Variants in SIL1 observed in about 807,000 individuals in gnomAD.
SIL1 encodes nucleotide exchange factor SIL1.
Under a neutral mutation model 49.1 loss-of-function variants are expected in SIL1, and 40 were observed. The ratio of observed to expected loss-of-function variants is 0.81; its 90% CI spans 0.63 to 1.06. SIL1 has a LOEUF of 1.06. Ranked by LOEUF, SIL1 falls within the 50% of genes least tolerant of loss-of-function variation. SIL1 has a pLI of 0.00. For synonymous variants in SIL1, 253 were observed against 250.8 expected (o/e 1.01, Z -0.08); for missense variants, 500 against 572.6 (o/e 0.87, Z 1.29).
At chr5:139,102,727 T>C in intron 3 of SIL1, among the ~76,000 whole-genome samples, 1 of 151,756 alleles carries the variant, frequency 6.6e-6, no homozygotes, top group Admixed American at 6.6e-5. Flanking sequence ...TTTTTTTGTT[T>C]TTTGAGACGG....
At chr5:139,153,597 C>T (rs573607212) in intron 1 of SIL1, among the ~76,000 whole-genome samples, 2 of 152,324 alleles carry the variant, frequency 1.3e-5, no homozygotes, top group South Asian at 4.1e-4. Context: ...CCACAGACCC[C>T]TCACATTTCT....
intron 1 of SIL1, among the ~76,000 whole-genome samples, chr5:139,173,270 G>C (rs747383612): frequency 1.1e-4 from 17 of 152,148 alleles, no homozygotes; most frequent in Non-Finnish European, 2.2e-4. Flanking sequence ...AAAAATGAGG[G>C]CCGGGTGTAG....
At chr5:138,991,391 G>GCT (rs1382729703) in intron 7 of SIL1, among the ~76,000 whole-genome samples, 1 of 152,238 alleles carries the variant, frequency 6.6e-6, no homozygotes, top group East Asian at 1.9e-4. Flanking sequence ...CAGTCTTAGA[G>GCT]ATTTCCCTGA....
At chr5:138,970,542 A>G (rs899302684) in intron 7 of SIL1, among the ~76,000 whole-genome samples, 1 of 152,194 alleles carries the variant, frequency 6.6e-6, no homozygotes. Context: ...AAGAGGCATG[A>G]CAAAGGTAAA....
At chr5:138,981,635 G>T (rs941881562) in intron 7 of SIL1, among the ~76,000 whole-genome samples, 14 of 152,170 alleles carry the variant, frequency 9.2e-5, no homozygotes, top group African/African-American at 3.4e-4. Flanking sequence ...GAAAATAAAG[G>T]CAAGGAGTGA....
intron 3 of SIL1, among the ~76,000 whole-genome samples, chr5:139,109,457 G>C (rs541357472): frequency 6.6e-6 from 1 of 152,010 alleles, no homozygotes; most frequent in African/African-American, 2.4e-5. Context: ...CAGTGTCAAA[G>C]GCCTTCAAAA....
intron 4 of SIL1, among the ~76,000 whole-genome samples, chr5:139,050,474 T>C (rs543995615): frequency 6.6e-6 from 1 of 152,350 alleles, no homozygotes; most frequent in Non-Finnish European, 1.5e-5. Flanking sequence ...TCTACTTTTA[T>C]ACTATAAGAA....
intron 5 of SIL1, among the ~76,000 whole-genome samples, chr5:139,028,476 C>T (rs1250101623): frequency 1.3e-5 from 2 of 151,826 alleles, no homozygotes; most frequent in Non-Finnish European, 2.9e-5. Flanking sequence ...CCAGCCTAAG[C>T]GACAGAGCGA....
chr5:138,987,962 T>C (rs1767680058), intron 7 of SIL1, among the ~76,000 whole-genome samples: 1 of 152,192 alleles, frequency 6.6e-6, no homozygotes, highest in Admixed American at 6.5e-5. Context: ...GCCTCCCAAG[T>C]AGCTGGGATT....
chr5:139,015,199 T>C (rs1461174362), intron 7 of SIL1, among the ~76,000 whole-genome samples: 2 of 152,186 alleles, frequency 1.3e-5, no homozygotes, highest in Non-Finnish European at 2.9e-5. Context: ...ATGCTATATA[T>C]TAGAGAGACA....
At chr5:139,182,723 C>T (rs1470970163) in intron 1 of SIL1, among the ~76,000 whole-genome samples, 1 of 152,146 alleles carries the variant, frequency 6.6e-6, no homozygotes, top group Non-Finnish European at 1.5e-5. Context: ...TGAGACAAAA[C>T]ATTTATTGAG....
rs1387130752 is a variant in SIL1 at position 138,987,083 on chromosome 5, TTATTTTA to T, written c.767+34081_767+34087del. On this transcript the variant is annotated intron_variant, in intron 7 of 9. Transcript: ENST00000394817. Reference sequence around the variant, plus strand: ...ACTATTTTGTTTTATTTATGATAGATTATTTTATTTTATTTTATTTTATTTTATTTTA... The same window carrying T: ...ACTATTTTGTTTTATTTATGATAGATTTTTATTTTATTTTATTTTATTTTA... Among the ~76,000 whole-genome samples the T allele has an allele frequency of 9.6e-4, 27 of 28,010 alleles. 1 individual carries two copies. Among genetic ancestry groups the T allele is most frequent in the Non-Finnish European group, 4.6e-4 (7 of 15,170 alleles). The allele number at this position is 28,010 out of a possible 152,430, so 18.4% of individuals were successfully genotyped here.
chr5:139,101,764 GGAT>G (rs1262631682), intron 3 of SIL1, among the ~76,000 whole-genome samples: 1 of 152,134 alleles, frequency 6.6e-6, no homozygotes, highest in African/African-American at 2.4e-5. Flanking sequence ...CTATCAAAGG[GGAT>G]GATGACAATG....
At chr5:139,135,793 G>T (rs1750963156) in intron 1 of SIL1, among the ~76,000 whole-genome samples, 1 of 151,956 alleles carries the variant, frequency 6.6e-6, no homozygotes, top group Admixed American at 6.6e-5. Context: ...AATCGGGCAT[G>T]GTGGCTCACA....
At chr5:139,048,984 A>C (rs1371077969) in intron 4 of SIL1, among the ~76,000 whole-genome samples, 1 of 152,246 alleles carries the variant, frequency 6.6e-6, no homozygotes, top group East Asian at 1.9e-4. Context: ...CTCAATATGA[A>C]GTAGAATTTT....
chr5:139,030,794 G>A (rs531609087), intron 5 of SIL1, among the ~76,000 whole-genome samples: 9 of 152,038 alleles, frequency 5.9e-5, no homozygotes, highest in Non-Finnish European at 1.0e-4. Flanking sequence ...CATTGTGCCC[G>A]GCATAATTCT....
intron 1 of SIL1, among the ~76,000 whole-genome samples, chr5:139,197,599 C>G (rs1433969874): frequency 6.6e-6 from 1 of 152,162 alleles, no homozygotes; most frequent in Non-Finnish European, 1.5e-5. Context: ...CCTGGCTTTT[C>G]CCACTCAGAG....
chr5:138,956,680 T>G (rs528155426), intron 7 of SIL1, among the ~76,000 whole-genome samples: 1 of 150,202 alleles, frequency 6.7e-6, no homozygotes, highest in East Asian at 2.0e-4. Flanking sequence ...GAGGTAGAGG[T>G]TTCAGTGAGC....
intron 7 of SIL1, among the ~76,000 whole-genome samples, chr5:138,957,847 A>G (rs1345070813): frequency 6.6e-6 from 1 of 152,090 alleles, no homozygotes; most frequent in Non-Finnish European, 1.5e-5. Flanking sequence ...TAATCTACAG[A>G]TATTTATTCA....
Sources: gnomAD v4.1 joint callset for allele counts (sites outside exome capture counted in the v4.1 genomes callset) on GRCh38, gnomAD v4.1.1 for gene constraint, MANE v1.5 for transcripts, NCBI Gene and HGNC (gene_info 2026-07-23, HGNC 2026-07-21) for gene names.